The following MAF variants were observed in gnomAD, a reference collection of about 807,000 sequenced individuals.
The protein encoded by MAF is transcription factor Maf.
A neutral mutation model predicts 22.0 loss-of-function variants in MAF; 10 were observed. That is an observed-to-expected ratio of 0.45 (90% CI 0.28 to 0.77). The LOEUF is 0.77. MAF is among the 30% of genes least tolerant of loss of function. The pLI is 0.12. For missense variants in MAF, 544 were observed against 548.4 expected (o/e 0.99, Z 0.08); for synonymous variants, 337 against 255.8 (o/e 1.32, Z -3.03).
chr16:79,421,111 G>A, the MAF span, among the ~76,000 whole-genome samples: 9 of 152,068 alleles, frequency 5.9e-5, no homozygotes, highest in East Asian at 1.9e-4. Flanking sequence ...ATTATTAGCC[G>A]TTGTTAATCT....
chr16:79,576,574 G>C, the MAF span, among the ~76,000 whole-genome samples: 1 of 151,836 alleles, frequency 6.6e-6, no homozygotes, highest in African/African-American at 2.4e-5. Flanking sequence ...GAGGAGGGCA[G>C]CTATAAACTA....
At chr16:79,396,658 G>T in the MAF span, among the ~76,000 whole-genome samples, 2 of 152,178 alleles carry the variant, frequency 1.3e-5, no homozygotes, top group Non-Finnish European at 2.9e-5. Context: ...TTCATAAGGG[G>T]CAGAAGAATG....
chr16:79,417,495 C>T, the MAF span, among the ~76,000 whole-genome samples: 1 of 152,072 alleles, frequency 6.6e-6, no homozygotes, highest in Non-Finnish European at 1.5e-5. Context: ...TTTGGATGTG[C>T]GATGTTATTA....
the MAF span, among the ~76,000 whole-genome samples, chr16:79,391,936 G>T: frequency 7.1e-6 from 1 of 141,410 alleles, no homozygotes; most frequent in South Asian, 2.2e-4. Context: ...AAGGAGGAGG[G>T]GGAAGAGGAG....
the MAF span, among the ~76,000 whole-genome samples, chr16:79,347,322 C>T: frequency 6.6e-6 from 1 of 152,188 alleles, no homozygotes; most frequent in East Asian, 1.9e-4. Flanking sequence ...ACCAGCTCAC[C>T]CCCGGGGCCT....
chr16:79,429,681 C>A, the MAF span, among the ~76,000 whole-genome samples: 2 of 152,142 alleles, frequency 1.3e-5, no homozygotes, highest in African/African-American at 4.8e-5. Context: ...CACTCCCATG[C>A]ACCAGTGAAC....
the MAF span, among the ~76,000 whole-genome samples, chr16:79,484,881 C>A: frequency 1.3e-5 from 2 of 152,198 alleles, no homozygotes; most frequent in African/African-American, 4.8e-5. Context: ...TCTGGCCTCC[C>A]AGCAGCATCA....
At chr16:79,284,706 T>C in the MAF span, among the ~76,000 whole-genome samples, 3 of 152,162 alleles carry the variant, frequency 2.0e-5, no homozygotes, top group Admixed American at 2.0e-4. Flanking sequence ...CACAGGAAAA[T>C]GTCAAACTTT....
At chr16:79,466,204 T>C in the MAF span, among the ~76,000 whole-genome samples, 1 of 152,218 alleles carries the variant, frequency 6.6e-6, no homozygotes, top group Non-Finnish European at 1.5e-5. Flanking sequence ...GGAATTCCTC[T>C]GGACCTCACT....
the MAF span, among the ~76,000 whole-genome samples, chr16:79,523,610 T>G: frequency 5.9e-5 from 9 of 152,080 alleles, no homozygotes; most frequent in African/African-American, 2.2e-4. Context: ...GACAGATGAG[T>G]ACACGAAGAA....
chr16:79,502,595 G>A, the MAF span, among the ~76,000 whole-genome samples: 2 of 150,906 alleles, frequency 1.3e-5, no homozygotes, highest in Non-Finnish European at 2.9e-5. Flanking sequence ...GAGCCCAGGA[G>A]GTGGAGGTTG....
chr16:79,411,749 T>C, the MAF span, among the ~76,000 whole-genome samples: 1 of 152,234 alleles, frequency 6.6e-6, no homozygotes, highest in Non-Finnish European at 1.5e-5. Context: ...AGGCTTTTCC[T>C]CTTGCTGCTC....
At chr16:79,336,007 T>A in the MAF span, among the ~76,000 whole-genome samples, 1 of 152,134 alleles carries the variant, frequency 6.6e-6, no homozygotes, top group Non-Finnish European at 1.5e-5. Context: ...GGAGTGATCC[T>A]AGCTGCAAAG....
chr16:79,426,407 G>A, the MAF span, among the ~76,000 whole-genome samples: 3 of 151,796 alleles, frequency 2.0e-5, no homozygotes, highest in Non-Finnish European at 4.4e-5. Flanking sequence ...TTTTTTATTC[G>A]TTGTTGAATA....
the MAF span, among the ~76,000 whole-genome samples, chr16:79,429,437 C>G: frequency 3.3e-5 from 5 of 152,164 alleles, no homozygotes; most frequent in Non-Finnish European, 5.9e-5. Context: ...CAGGAGACCT[C>G]CCCTCTGAGG....
the MAF span, among the ~76,000 whole-genome samples, chr16:79,266,625 T>C: frequency 4.6e-5 from 7 of 152,222 alleles, no homozygotes; most frequent in Non-Finnish European, 8.8e-5. Context: ...TTATTACTTA[T>C]ATAAGAATTA....
the MAF span, among the ~76,000 whole-genome samples, chr16:79,565,442 G>A: frequency 6.6e-6 from 1 of 152,108 alleles, no homozygotes; most frequent in Non-Finnish European, 1.5e-5. Context: ...TCAGTGATAT[G>A]GTTTCGCTGT....
the MAF span, among the ~76,000 whole-genome samples, chr16:79,370,513 T>C: frequency 0.012 from 1,787 of 152,266 alleles, 33 homozygotes; most frequent in African/African-American, 0.041. Context: ...ACATCTGTTC[T>C]CTCTAAAGAT....
At chr16:79,302,745 G>A in the MAF span, among the ~76,000 whole-genome samples, 1 of 152,192 alleles carries the variant, frequency 6.6e-6, no homozygotes, top group African/African-American at 2.4e-5. Context: ...GTTAAATGTT[G>A]GCATTTGCTG....
Sources: gnomAD v4.1 joint callset for allele counts (sites outside exome capture counted in the v4.1 genomes callset) on GRCh38, gnomAD v4.1.1 for gene constraint, MANE v1.5 for transcripts, NCBI Gene and HGNC (gene_info 2026-07-23, HGNC 2026-07-21) for gene names.